The following ST8SIA1 variants were observed in gnomAD, a reference collection of about 807,000 sequenced individuals.
ST8SIA1 encodes alpha-N-acetylneuraminide alpha-2,8-sialyltransferase.
ST8SIA1 carries 16 observed loss-of-function variants against 35.9 expected under a neutral mutation model. That is an observed-to-expected ratio of 0.45 (90% CI 0.30 to 0.68). The LOEUF (loss-of-function observed/expected upper bound fraction) is 0.68. ST8SIA1 is among the 30% of genes least tolerant of loss of function. The pLI is 0.09. For synonymous variants in ST8SIA1, 170 were observed against 169.6 expected (o/e 1.00, Z -0.02); for missense variants, 383 against 453.6 (o/e 0.84, Z 1.41).
Position 22,334,085 on chromosome 12 carries a change from G to A in ST8SIA1, c.148C>T (p.Arg50Trp), listed in dbSNP as rs777018933. 3.1e-6 allele frequency: 5 copies of A among 1,614,102 alleles called. No homozygotes were observed. Among genetic ancestry groups the A allele is most frequent in the Non-Finnish European group, 4.2e-6 (5 of 1,180,018 alleles). ...LCWLYIFPVY[R>W]LPNEKEIVQG... ...ACGATCTCTTTCTCGTTGGGCAGCC[G>A]GTAGACGGGGAAGATGTAGAGCCAA... is the stretch of plus-strand genomic sequence containing the variant. The change falls in exon 1 of 5, where the codon CGG becomes TGG. Residue 50 changes from arginine (R) to tryptophan (W), a missense_variant. Physicochemically the swap from Arg to Trp is moderately radical, Grantham distance 101 (BLOSUM62 -3). Transcript: ENST00000396037.
chr12:22,314,140 G>T (rs1462799409), intron 1 of ST8SIA1, among the ~76,000 whole-genome samples: 1 of 152,172 alleles, frequency 6.6e-6, no homozygotes, highest in Non-Finnish European at 1.5e-5. Flanking sequence ...TGTACAAACA[G>T]CTGCTGCAAA....
chr12:22,241,598 A>ATTT lies in ST8SIA1; in HGVS notation c.584+7405_584+7407dup, dbSNP rs71053392. 2.7e-3 allele frequency among the ~76,000 whole-genome samples: 285 copies of ATTT among 104,340 alleles called. 5 individuals are homozygous for ATTT. Among genetic ancestry groups the ATTT allele is most frequent in the African/African-American group, 9.8e-3 (270 of 27,690 alleles). 68.5% of individuals were successfully genotyped at this position (104,340 alleles called of 152,430 possible). A position where few individuals can be genotyped will look rare whatever the true frequency, so the allele number is the denominator to read the frequency against. Reference sequence around the variant, plus strand: ...CTTTAAGAATTACCCAGACTCCGGTATTTTTTTTTTTTTTTTTTTTTTGAG... The same window carrying ATTT: ...CTTTAAGAATTACCCAGACTCCGGTATTTTTTTTTTTTTTTTTTTTTTTTTGAG... On this transcript the variant is annotated intron_variant, in intron 4 of 4. Coordinates refer to ENST00000396037, the MANE Select transcript of ST8SIA1 (RefSeq NM_003034.4).
chr12:22,205,247 C>T (rs900943641), intron 4 of ST8SIA1, among the ~76,000 whole-genome samples: 16 of 152,102 alleles, frequency 1.1e-4, no homozygotes, highest in Middle Eastern at 3.4e-3. Context: ...ATTTTTATAA[C>T]GTAGCTCAGA....
chr12:22,254,746 T>TG (rs1242016567), intron 3 of ST8SIA1, among the ~76,000 whole-genome samples: 1 of 152,190 alleles, frequency 6.6e-6, no homozygotes, highest in Non-Finnish European at 1.5e-5. Flanking sequence ...ATCACCACTC[T>TG]GCTCAGTCCC....
intron 1 of ST8SIA1, among the ~76,000 whole-genome samples, chr12:22,313,563 C>T (rs1866479491): frequency 1.3e-5 from 2 of 152,146 alleles, no homozygotes; most frequent in Admixed American, 6.5e-5. Context: ...CCACAAATGT[C>T]ACCTATTTCA....
chr12:22,206,963 T>C (rs1425301819), intron 4 of ST8SIA1, among the ~76,000 whole-genome samples: 1 of 152,194 alleles, frequency 6.6e-6, no homozygotes, highest in Non-Finnish European at 1.5e-5. Flanking sequence ...AAAGTGCTGC[T>C]GGCAATTTAA....
At chr12:22,229,614 T>G (rs1865393987) in intron 4 of ST8SIA1, among the ~76,000 whole-genome samples, 1 of 59,316 alleles carries the variant, frequency 1.7e-5, no homozygotes, top group Non-Finnish European at 3.2e-5. Context: ...AGACCGGGTT[T>G]CAAAAAAAAA....
At chr12:22,218,605 G>A (rs962926366) in intron 4 of ST8SIA1, among the ~76,000 whole-genome samples, 7 of 28,868 alleles carry the variant, frequency 2.4e-4, no homozygotes, top group Non-Finnish European at 4.9e-4. Flanking sequence ...GTGACAAAGC[G>A]AGACTCAAAA....
intron 3 of ST8SIA1, among the ~76,000 whole-genome samples, chr12:22,249,530 T>TTTTGA (rs1865645574): frequency 9.2e-6 from 1 of 108,228 alleles, no homozygotes; most frequent in African/African-American, 2.6e-5. Context: ...AGTAACTGTT[T>TTTTGA]TTTGTTTTGT....
At chr12:22,323,382 T>C (rs1404221369) in intron 1 of ST8SIA1, among the ~76,000 whole-genome samples, 2 of 152,204 alleles carry the variant, frequency 1.3e-5, no homozygotes, top group African/African-American at 2.4e-5. Flanking sequence ...ATGCCAGATA[T>C]AAGAATTGGT....
intron 1 of ST8SIA1, 156 bp downstream of exon 1, chr12:22,333,841 G>T (rs1442024468): frequency 2.5e-6 from 2 of 808,598 alleles, no homozygotes; most frequent in African/African-American, 1.7e-5. Context: ...AAGTCTCCAG[G>T]TTGGGAATGG....
At chr12:22,256,570 T>C (rs191720892) in intron 2 of ST8SIA1, among the ~76,000 whole-genome samples, 35 of 152,298 alleles carry the variant, frequency 2.3e-4, no homozygotes, top group Admixed American at 1.3e-3. Flanking sequence ...AATAAGTATA[T>C]GAATATACAC....
At chr12:22,216,670 G>C (rs1865236609) in intron 4 of ST8SIA1, among the ~76,000 whole-genome samples, 1 of 152,078 alleles carries the variant, frequency 6.6e-6, no homozygotes, top group Non-Finnish European at 1.5e-5. Flanking sequence ...AATTCCTTCA[G>C]AAAAGACTAA....
intron 4 of ST8SIA1, among the ~76,000 whole-genome samples, chr12:22,204,674 C>T (rs1231203314): frequency 2.0e-5 from 3 of 152,092 alleles, no homozygotes; most frequent in Admixed American, 1.3e-4. Context: ...AGTAGTTTTC[C>T]CTTTCTGTGT....
chr12:22,292,565 C>A (rs1167429972), intron 1 of ST8SIA1, among the ~76,000 whole-genome samples: 1 of 131,290 alleles, frequency 7.6e-6, no homozygotes, highest in Non-Finnish European at 1.6e-5. Context: ...GAATATTATG[C>A]AGCCATAAAA....
At chr12:22,333,929 G>A (rs1487356715) in intron 1 of ST8SIA1, 68 bp downstream of exon 1, 4 of 1,399,996 alleles carry the variant, frequency 2.9e-6, no homozygotes, top group South Asian at 1.2e-5. Flanking sequence ...GTCCTCGCCG[G>A]TGACCCTGTC....
At chr12:22,273,545 C>T (rs1865936207) in intron 2 of ST8SIA1, among the ~76,000 whole-genome samples, 1 of 152,168 alleles carries the variant, frequency 6.6e-6, no homozygotes, top group Admixed American at 6.5e-5. Context: ...TCTTCCTGGT[C>T]ATGAGACAAG....
At chr12:22,333,810 G>T (rs1485214672) in intron 1 of ST8SIA1, 187 bp downstream of exon 1, 1 of 768,308 alleles carries the variant, frequency 1.3e-6, no homozygotes, top group South Asian at 1.4e-5. Context: ...GGGATCAGGG[G>T]TGGGGAAGGA....
At chr12:22,263,613 G>A (rs1865816254) in intron 2 of ST8SIA1, among the ~76,000 whole-genome samples, 1 of 152,126 alleles carries the variant, frequency 6.6e-6, no homozygotes, top group South Asian at 2.1e-4. Context: ...AGAAAAATTG[G>A]TGTTTTGGTT....
Sources: gnomAD v4.1 joint callset for allele counts (sites outside exome capture counted in the v4.1 genomes callset) on GRCh38, gnomAD v4.1.1 for gene constraint, MANE v1.5 for transcripts, NCBI Gene and HGNC (gene_info 2026-07-23, HGNC 2026-07-21) for gene names.